MIB2: variants seen among roughly 807,000 people sequenced by gnomAD.
MIB2 encodes the protein MIB E3 ubiquitin protein ligase 2.
MIB2 carries 78 observed loss-of-function variants against 96.6 expected under a neutral mutation model. The ratio of observed to expected loss-of-function variants is 0.81; its 90% CI spans 0.67 to 0.97. The LOEUF is 0.97. Among genes scored for constraint, MIB2 ranks in the 50% least tolerant of loss-of-function variants. The pLI, the probability that MIB2 is intolerant of heterozygous loss-of-function variation, is 0.00. For synonymous variants in MIB2, 820 were observed against 629.5 expected, an observed-to-expected ratio of 1.30 and a Z score of -4.53; for missense variants, 1,543 against 1,424.0, an observed-to-expected ratio of 1.08 and a Z score of -1.35.
intron 2 of MIB2, chr1:1,617,311 C>T (rs1643841005): frequency 6.6e-6 from 1 of 152,340 alleles, no homozygotes; most frequent in African/African-American, 2.4e-5. Flanking sequence ...AATTTGCTAA[C>T]TTTCTCGCTA....
rs944300164 is a variant in MIB2 at position 1,623,319 on chromosome 1, C to T, written c.-22-112C>T. 4.2e-5 allele frequency: 62 copies of T among 1,473,012 alleles called. No individual in the cohort carries two copies. In the African/African-American group the frequency reaches 8.1e-4, roughly 19 times the overall value. 91.2% of individuals were successfully genotyped at this position (1,473,012 alleles called of 1,614,324 possible). A position where few individuals can be genotyped will look rare whatever the true frequency, so the allele number is the denominator to read the frequency against. ...AGCCTGCCTGCCCCGTTGGGCCTCT[C>T]TGCTCTCCCGCGGAGCCCACTCTGA... On this transcript the variant is annotated intron_variant, in intron 2 of 19. Transcript: ENST00000355826.
rs532548791 is a variant in MIB2, at chr1:1,628,172, C to G, written c.1834C>G (p.His612Asp). The change falls in exon 14 of 20, where the codon CAC becomes GAC. Residue 612 changes from histidine (H) to aspartate (D), a missense_variant. Transcript: ENST00000355826. ...GCTGCACCATGCCTCCCTCAAGGGT[C>G]ACGCGCTGTGAGTGTGGGGTGGGCA... ...TLLHHASLKG[H>D]ALAVRKILAR... 2 of 1,613,278 alleles carry G rather than the reference C, an allele frequency of 1.2e-6. No homozygotes were observed. Among genetic ancestry groups the G allele is most frequent in the South Asian group, 1.1e-5 (1 of 91,082 alleles).
chr1:1,627,022 A>G, intron 10 of MIB2, 23 bp downstream of exon 10: 1 of 1,607,706 alleles, frequency 6.2e-7, no homozygotes, highest in African/African-American at 1.3e-5. Context: ...TCAGGCGGCC[A>G]GTGGGAGGTG....
Position 1,629,762 on chromosome 1 carries a change from C to G in MIB2, c.2629+58C>G. On this transcript the variant is annotated intron_variant, in intron 19 of 19. Transcript: ENST00000355826. The stretch of plus-strand genomic sequence containing the variant: ...CTGCTCAGCTGGTGGCCCGCGGGTC[C>G]CCGTCCCCCACCCCTTCCCTCCCAC... 9 of 1,490,672 alleles carry G rather than the reference C, an allele frequency of 6.0e-6. No individual in the cohort carries two copies. In the South Asian group the frequency reaches 9.3e-5, roughly 15 times the overall value. The allele number at this position is 1,490,672 out of a possible 1,614,324, so 92.3% of individuals were successfully genotyped here. A position where few individuals can be genotyped will look rare whatever the true frequency, so the allele number is the denominator to read the frequency against.
At chr1:1,623,286 C>T in intron 2 of MIB2, 145 bp from the exon 3 acceptor site, 1 of 1,375,258 alleles carries the variant, frequency 7.3e-7, no homozygotes, top group South Asian at 1.5e-5. Context: ...GGCCCTAGGG[C>T]TTGAACCAGC....
intron 1 of MIB2, chr1:1,616,295 C>T (rs1024234709): frequency 1.9e-5 from 8 of 422,494 alleles, no homozygotes; most frequent in African/African-American, 1.1e-4. Context: ...CCGCGGCCGC[C>T]AGACCCCGGG....
chr1:1,624,599 C>T, intron 4 of MIB2, 196 bp from the exon 5 acceptor site: 1 of 653,846 alleles, frequency 1.5e-6, no homozygotes, highest in East Asian at 2.7e-5. Flanking sequence ...CCCCTGAGCC[C>T]AGGGGCATTT....
chr1:1,628,217 T>C, intron 14 of MIB2, 38 bp downstream of exon 14: 1 of 1,612,302 alleles, frequency 6.2e-7, no homozygotes, highest in South Asian at 1.1e-5. Context: ...AGCCGGCCTC[T>C]TGCTGTGCTG....
intron 4 of MIB2, 142 bp from the exon 5 acceptor site, chr1:1,624,653 C>T: frequency 1.3e-6 from 1 of 786,858 alleles, no homozygotes; most frequent in East Asian, 2.7e-5. Context: ...ACCGGCCATT[C>T]CCGGGCAAGA....
rs1557599896 is a variant in MIB2 at position 1,626,795 on chromosome 1, CCCA to C, written c.1078-40_1078-38del. ...ACCCCCGCCGCTAGCGCCGCTGCCC[CCCA>C]CACCTGCAGCCTGCTGTGACCCCCT... On this transcript the variant is annotated intron_variant, in intron 9 of 19. Transcript: ENST00000355826. This position sits in a 1 kb window ranked among gnomAD's most constrained non-coding sequence, Gnocchi z 5.3. 4 of 1,592,824 alleles carry C rather than the reference CCCA, an allele frequency of 2.5e-6. No individual in the cohort carries two copies. The highest frequency in any genetic ancestry group is 2.3e-5 in the East Asian group (1 of 44,304).
In MIB2 at chr1:1,629,640, G is replaced by A. The variant is rs370140704; in HGVS notation, c.2565G>A (p.Glu855=). The A allele has an allele frequency of 6.0e-5, 96 of 1,593,862 alleles. No homozygotes were observed. The highest frequency in any genetic ancestry group is 7.7e-5 in the Non-Finnish European group (90 of 1,170,464). ...CCAACCGCGCTCTCCTCTTCGCAGA[G>A]TGCGCGCGCAGGATGAAGAAGTGCA... ...SPCQHRTVCE[E]CARRMKKCIR... is the part of the protein sequence containing the mutation. Residue 855 remains glutamate (E), a splice_region_variant and synonymous_variant, in exon 19 of 20, where the codon GAG becomes GAA. Transcript: ENST00000355826.
intron 2 of MIB2, among the ~76,000 whole-genome samples, chr1:1,622,633 T>G (rs551643971): frequency 6.6e-6 from 1 of 152,342 alleles, no homozygotes; most frequent in South Asian, 2.1e-4. Flanking sequence ...GGGTCCCTGC[T>G]TGGTTGGGAC....
chr1:1,628,432 G>A (rs981411318), intron 15 of MIB2, 33 bp downstream of exon 15: 6 of 1,602,942 alleles, frequency 3.7e-6, no homozygotes, highest in African/African-American at 2.7e-5. Context: ...CCCAAGGACC[G>A]GGGAGCGGGA....
In MIB2 at chr1:1,629,519, C is replaced by T. The variant is rs1557625813; in HGVS notation, c.2516C>T (p.Ala839Val). The T allele has an allele frequency of 6.5e-7, 1 of 1,539,270 alleles. No homozygotes were observed. The highest frequency in any genetic ancestry group is 8.7e-7 in the Non-Finnish European group (1 of 1,146,964). Reference protein sequence around the residue: ...AAECLVCSELALLVLFSPCQH... With the variant: ...AAECLVCSELVLLVLFSPCQH... ...GAGTGCCTGGTGTGCTCCGAGCTGGCGCTGCTGGTGCTGTTCTCGCCGTGC... is the reference window on the plus strand; with the variant it reads ...GAGTGCCTGGTGTGCTCCGAGCTGGTGCTGCTGGTGCTGTTCTCGCCGTGC... The change falls in exon 18 of 20, where the codon GCG (alanine) becomes GTG (valine). Residue 839 changes from alanine (A) to valine (V), a missense_variant. Ala to Val is a moderately conservative substitution (Grantham distance 64). Coordinates refer to ENST00000355826, the MANE Select transcript of MIB2 (RefSeq NM_001170687.4).
At chr1:1,629,931 A>G (rs1314755352) in intron 19 of MIB2, among the ~76,000 whole-genome samples, 1 of 71,548 alleles carries the variant, frequency 1.4e-5, no homozygotes, top group East Asian at 4.2e-4. Flanking sequence ...CTCCTCCCCC[A>G]TCACACCCCA....
Position 1,625,876 on chromosome 1 carries a change from G to A in MIB2, c.972+223G>A. 3.4e-6 allele frequency: 2 copies of A among 581,660 alleles called. No individual in the cohort carries two copies. The highest frequency in any genetic ancestry group is 6.2e-6 in the Non-Finnish European group (2 of 324,952). The allele number at this position is 581,660 out of a possible 1,614,324, so 36.0% of individuals were successfully genotyped here. Reference sequence around the variant, plus strand: ...GAGGAGGGTATGTCTCTGGGAGCTGGAATGGGCAGGTTAGGGCCTCCCTCT... The same window carrying A: ...GAGGAGGGTATGTCTCTGGGAGCTGAAATGGGCAGGTTAGGGCCTCCCTCT... On this transcript the variant is annotated intron_variant, in intron 8 of 19. Transcript: ENST00000355826. This position sits in a 1 kb window ranked among gnomAD's most constrained non-coding sequence, Gnocchi z 5.0.
chr1:1,622,073 C>T (rs1168868548), intron 2 of MIB2, among the ~76,000 whole-genome samples: 1 of 152,234 alleles, frequency 6.6e-6, no homozygotes, highest in African/African-American at 2.4e-5. Flanking sequence ...CTGTGAGGCC[C>T]AGGCTGGCCT....
At chr1:1,622,979 C>T (rs776646247) in intron 2 of MIB2, 3 of 238,628 alleles carry the variant, frequency 1.3e-5, no homozygotes, top group Non-Finnish European at 1.6e-5. Flanking sequence ...GGACACGAGT[C>T]CTCTGAGGGA....
rs1323842780 is a variant in MIB2, at chr1:1,629,645, C to T, written c.2570C>T (p.Ala857Val). ...CGCGCTCTCCTCTTCGCAGAGTGCG[C>T]GCGCAGGATGAAGAAGTGCATCAGG... ...CQHRTVCEECARRMKKCIRCQ... is the reference protein window; with the variant it reads ...CQHRTVCEECVRRMKKCIRCQ... Residue 857 changes from alanine to valine, a missense_variant, in exon 19 of 20, where the codon GCG (alanine) becomes GTG (valine). Ala to Val is a moderately conservative substitution (Grantham distance 64, BLOSUM62 0). Transcript: ENST00000355826. 2 of 1,595,488 alleles carry T rather than the reference C, an allele frequency of 1.3e-6. No homozygotes were observed. The highest frequency in any genetic ancestry group is 1.7e-5 in the Admixed American group (1 of 58,080).
Sources: gnomAD v4.1 joint callset for allele counts (sites outside exome capture counted in the v4.1 genomes callset) on GRCh38, gnomAD v4.1.1 for gene constraint, Gnocchi (gnomAD v3.1) non-coding constraint, MANE v1.5 for transcripts, NCBI Gene and HGNC (gene_info 2026-07-23, HGNC 2026-07-21) for gene names.